The following EXOC4 variants were observed in gnomAD, a reference collection of about 807,000 sequenced individuals.
EXOC4 encodes the protein SEC8-like 1.
In EXOC4, 71 loss-of-function variants were observed where a neutral mutation model predicts 107.2. That is an observed-to-expected ratio of 0.66 (90% confidence interval 0.55 to 0.81). The LOEUF (loss-of-function observed/expected upper bound fraction) is 0.81, where lower values mean the gene tolerates loss of function less well. EXOC4 is among the 30% of genes least tolerant of loss of function. The probability of loss-of-function intolerance (pLI) is 0.00; values close to 1 mark genes in which losing one functional copy is unlikely to be tolerated. For synonymous variants in EXOC4, 456 were observed against 441.2 expected, an observed-to-expected ratio of 1.03 and a Z score of -0.42; for missense variants, 1,108 against 1,189.6, an observed-to-expected ratio of 0.93 and a Z score of 1.01.
chr7:133,557,609 A>G (rs896732167), intron 9 of EXOC4, among the ~76,000 whole-genome samples: 2 of 152,250 alleles, frequency 1.3e-5, no homozygotes, highest in African/African-American at 2.4e-5. Flanking sequence ...TGAATAAAAC[A>G]TAAATGATTT....
chr7:133,261,185 T>A (rs1795142849), intron 1 of EXOC4, among the ~76,000 whole-genome samples: 1 of 152,110 alleles, frequency 6.6e-6, no homozygotes, highest in Non-Finnish European at 1.5e-5. Flanking sequence ...TGTCCTTGTG[T>A]ACTAATTTTA....
chr7:133,777,685 A>G (rs923704994), intron 10 of EXOC4, among the ~76,000 whole-genome samples: 2 of 152,214 alleles, frequency 1.3e-5, no homozygotes, highest in Non-Finnish European at 2.9e-5. Context: ...ATTCTGACCC[A>G]GTCACTAATT....
intron 9 of EXOC4, among the ~76,000 whole-genome samples, chr7:133,510,710 T>C (rs1306562311): frequency 6.6e-6 from 1 of 152,216 alleles, no homozygotes; most frequent in Non-Finnish European, 1.5e-5. Flanking sequence ...TTTTCAGTAA[T>C]GCACTGTGGG....
At chr7:133,470,499 A>T (rs181406037) in intron 7 of EXOC4, among the ~76,000 whole-genome samples, 2 of 152,214 alleles carry the variant, frequency 1.3e-5, no homozygotes, top group South Asian at 2.1e-4. Flanking sequence ...CCACAGAGCC[A>T]TTCAACGTAA....
chr7:133,261,200 C>G (rs1396206500), intron 1 of EXOC4, among the ~76,000 whole-genome samples: 1 of 150,268 alleles, frequency 6.7e-6, no homozygotes, highest in Non-Finnish European at 1.5e-5. Flanking sequence ...ATTTTATCAT[C>G]TGTGTCATTT....
chr7:133,588,247 T>G (rs749131291), intron 9 of EXOC4, among the ~76,000 whole-genome samples: 1 of 152,182 alleles, frequency 6.6e-6, no homozygotes, highest in Non-Finnish European at 1.5e-5. Context: ...GAGACCCAGA[T>G]TCTCAGTTCA....
At chr7:133,380,326 G>A (rs369096048) in intron 7 of EXOC4, among the ~76,000 whole-genome samples, 2 of 151,706 alleles carry the variant, frequency 1.3e-5, no homozygotes, top group Non-Finnish European at 2.9e-5. Context: ...TTTAAGTTAC[G>A]GAATGAGTTG....
the EXOC4 span, among the ~76,000 whole-genome samples, chr7:134,093,349 A>G: frequency 6.6e-6 from 1 of 152,178 alleles, no homozygotes; most frequent in East Asian, 1.9e-4. Context: ...AATGATAAAT[A>G]ATCCAATTCA....
At chr7:133,478,877 C>T (rs964097620) in intron 8 of EXOC4, 1 of 152,180 alleles carries the variant, frequency 6.6e-6, no homozygotes. Context: ...TGAAGTACTG[C>T]ACACTTTGCC....
intron 10 of EXOC4, among the ~76,000 whole-genome samples, chr7:133,796,617 G>A (rs1308997392): frequency 1.3e-5 from 2 of 152,036 alleles, no homozygotes; most frequent in Non-Finnish European, 2.9e-5. Flanking sequence ...AATTAGCTGG[G>A]CGTGGTGGCA....
At chr7:133,529,003 T>C (rs984791185) in intron 9 of EXOC4, among the ~76,000 whole-genome samples, 1 of 152,146 alleles carries the variant, frequency 6.6e-6, no homozygotes, top group Admixed American at 6.5e-5. Flanking sequence ...ATATAGCTCA[T>C]TAAGACAGGA....
intron 11 of EXOC4, among the ~76,000 whole-genome samples, chr7:133,824,968 T>C (rs1797665468): frequency 6.6e-6 from 1 of 152,052 alleles, no homozygotes; most frequent in South Asian, 2.1e-4. Context: ...GGAGACACTA[T>C]TCAGTCCACT....
intron 7 of EXOC4, among the ~76,000 whole-genome samples, chr7:133,376,887 G>A (rs1796502730): frequency 6.6e-6 from 1 of 152,136 alleles, no homozygotes; most frequent in Non-Finnish European, 1.5e-5. Context: ...TGATCCACCT[G>A]TAAATTTATT....
intron 2 of EXOC4, among the ~76,000 whole-genome samples, chr7:133,284,617 C>A (rs776869922): frequency 2.6e-5 from 4 of 152,080 alleles, no homozygotes; most frequent in Non-Finnish European, 5.9e-5. Context: ...CTGCAAGCTC[C>A]GCCTCCTGGA....
chr7:133,435,085 G>T (rs1275541333), intron 7 of EXOC4, among the ~76,000 whole-genome samples: 1 of 151,920 alleles, frequency 6.6e-6, no homozygotes, highest in Admixed American at 6.6e-5. Flanking sequence ...TCTCAGATTT[G>T]GTCCTTTTGT....
intron 9 of EXOC4, among the ~76,000 whole-genome samples, chr7:133,627,246 G>A (rs911159555): frequency 6.6e-6 from 1 of 152,194 alleles, no homozygotes; most frequent in African/African-American, 2.4e-5. Context: ...AATGGTACGA[G>A]GGGAGAGGGA....
chr7:133,435,199 A>T (rs570046559), intron 7 of EXOC4, among the ~76,000 whole-genome samples: 1 of 152,140 alleles, frequency 6.6e-6, no homozygotes, highest in African/African-American at 2.4e-5. Context: ...ACTACCCTTT[A>T]TTGAATGTAT....
At chr7:133,860,796 C>G (rs2116337779) in intron 11 of EXOC4, among the ~76,000 whole-genome samples, 1 of 152,266 alleles carries the variant, frequency 6.6e-6, no homozygotes, top group South Asian at 2.1e-4. Flanking sequence ...ACTTTAAAAG[C>G]AATTCCACAT....
chr7:133,977,741 TG>T (rs67640743), intron 14 of EXOC4, among the ~76,000 whole-genome samples: 105,651 of 150,148 alleles, frequency 0.7, 37,282 homozygotes, highest in East Asian at 0.9. Context: ...TGTTGTTTTG[TG>T]TGTGTGTGTG....
Sources: allele counts gnomAD v4.1 joint callset (sites outside exome capture counted in the v4.1 genomes callset), GRCh38; gene constraint gnomAD v4.1.1; transcripts MANE v1.5; gene names NCBI Gene and HGNC (gene_info 2026-07-23, HGNC 2026-07-21).